NCOA1: variants seen among roughly 807,000 people sequenced by gnomAD.
NCOA1 encodes the protein nuclear receptor coactivator 1.
Under a neutral mutation model 150.9 loss-of-function variants are expected in NCOA1, and 35 were observed. That is an observed-to-expected ratio of 0.23 (90% CI 0.18 to 0.31). The LOEUF is 0.31. NCOA1 is among the 10% of genes least tolerant of loss of function. NCOA1 has a pLI of 1.00. For synonymous variants in NCOA1, 590 were observed against 630.0 expected, an observed-to-expected ratio of 0.94 and a Z score of 0.95; for missense variants, 1,491 against 1,749.3, an observed-to-expected ratio of 0.85 and a Z score of 2.63.
chr2:24,593,374 T>C (rs1262853770), intron 3 of NCOA1, among the ~76,000 whole-genome samples: 2 of 152,120 alleles, frequency 1.3e-5, no homozygotes. Context: ...GATATTAGTA[T>C]AGCTGTGGCA....
At chr2:24,743,800 T>G (rs1361122485) in intron 19 of NCOA1, among the ~76,000 whole-genome samples, 2 of 152,116 alleles carry the variant, frequency 1.3e-5, no homozygotes, top group African/African-American at 4.8e-5. Context: ...GAGCCCTAAA[T>G]CAAAAGATTT....
chr2:24,523,706 T>C (rs1664530210), intron 1 of NCOA1, among the ~76,000 whole-genome samples: 1 of 144,662 alleles, frequency 6.9e-6, no homozygotes, highest in South Asian at 2.2e-4. Context: ...GGTGGGCGGA[T>C]CATGAGGTCA....
chr2:24,693,456 C>A, intron 10 of NCOA1, 109 bp downstream of exon 10: 1 of 915,106 alleles, frequency 1.1e-6, no homozygotes, highest in Non-Finnish European at 1.8e-6. Context: ...TTAGGCTTTG[C>A]TCCCTAGTCT....
intron 2 of NCOA1, among the ~76,000 whole-genome samples, chr2:24,567,889 G>A (rs1666579428): frequency 6.6e-6 from 1 of 151,976 alleles, no homozygotes; most frequent in Admixed American, 6.6e-5. Flanking sequence ...GATTACAGGT[G>A]TGCACAACCA....
chr2:24,680,928 A>G (rs1672133023), intron 7 of NCOA1, among the ~76,000 whole-genome samples: 2 of 152,192 alleles, frequency 1.3e-5, no homozygotes, highest in African/African-American at 2.4e-5. Context: ...ATATCATTGG[A>G]TGTGTTTACT....
At chr2:24,708,033 TG>T in intron 13 of NCOA1, 145 bp downstream of exon 13, 1 of 1,038,994 alleles carries the variant, frequency 9.6e-7, no homozygotes, top group East Asian at 2.8e-5. Flanking sequence ...TATCAATAAC[TG>T]ATCACAGGAT....
At chr2:24,576,163 GTTTTTTGTTTT>G (rs1666963634) in intron 2 of NCOA1, among the ~76,000 whole-genome samples, 2,005 of 92,856 alleles carry the variant, frequency 0.022, 103 homozygotes, top group African/African-American at 0.087. Flanking sequence ...TTTTTTTTTT[GTTTTTTGTTTT>G]TTTTTTTTTT....
intron 3 of NCOA1, among the ~76,000 whole-genome samples, chr2:24,622,621 T>C (rs1397423374): frequency 1.3e-5 from 2 of 152,218 alleles, no homozygotes; most frequent in Admixed American, 1.3e-4. Context: ...CCTAGACCCT[T>C]ACCAGTGCTG....
intron 1 of NCOA1, among the ~76,000 whole-genome samples, chr2:24,530,499 A>G (rs1430997410): frequency 1.3e-5 from 2 of 152,120 alleles, no homozygotes; most frequent in Non-Finnish European, 2.9e-5. Context: ...TAACTTTTGT[A>G]TTCTTTTTTC....
intron 1 of NCOA1, among the ~76,000 whole-genome samples, chr2:24,548,885 G>C (rs919918311): frequency 3.9e-5 from 6 of 152,164 alleles, no homozygotes; most frequent in Non-Finnish European, 8.8e-5. Context: ...TCATGGGCTG[G>C]CGTTGAGTGC....
chr2:24,717,582 A>G (rs1431848732), intron 14 of NCOA1, among the ~76,000 whole-genome samples: 2 of 152,220 alleles, frequency 1.3e-5, no homozygotes, highest in African/African-American at 2.4e-5. Flanking sequence ...TATCATGTAT[A>G]AATAAATGTA....
intron 1 of NCOA1, among the ~76,000 whole-genome samples, chr2:24,497,381 T>C (rs1275334255): frequency 6.6e-6 from 1 of 152,106 alleles, no homozygotes; most frequent in Non-Finnish European, 1.5e-5. Context: ...AAAATGTCAC[T>C]TTAAGATTCT....
chr2:24,768,516 CAAAAAAAAA>C lies in NCOA1; in HGVS notation c.*142_*150del, dbSNP rs772970404. On this transcript the variant is annotated 3_prime_UTR_variant, in exon 23 of 23. Coordinates refer to ENST00000348332, the MANE Select transcript of NCOA1 (RefSeq NM_003743.5). ...ATTCTTCAGGTCGTAGCATTTGGAG[CAAAAAAAAA>C]AAAAAAAAAAAAAAAAGGAGTTTGC... is the stretch of plus-strand genomic sequence containing the variant. 59 of 55,198 alleles carry C rather than the reference CAAAAAAAAA, an allele frequency of 1.1e-3. No individual in the cohort carries two copies. The highest frequency in any genetic ancestry group is 6.8e-3 in the Middle Eastern group (1 of 146). The allele number at this position is 55,198 out of a possible 1,614,324, so 3.4% of individuals were successfully genotyped here.
chr2:24,721,953 T>C (rs1306762557), intron 14 of NCOA1, among the ~76,000 whole-genome samples: 1 of 152,262 alleles, frequency 6.6e-6, no homozygotes, highest in Non-Finnish European at 1.5e-5. Context: ...TTCCTTCGGC[T>C]GTAGATTTGT....
intron 3 of NCOA1, among the ~76,000 whole-genome samples, chr2:24,621,463 T>TTTTTTC (rs1669158146): frequency 8.7e-6 from 1 of 115,288 alleles, no homozygotes; most frequent in Non-Finnish European, 1.9e-5. Context: ...TTTTTTTTTT[T>TTTTTTC]TTGAGACAGA....
At chr2:24,712,839 G>A (rs1280847416) in intron 14 of NCOA1, among the ~76,000 whole-genome samples, 1 of 150,736 alleles carries the variant, frequency 6.6e-6, no homozygotes, top group East Asian at 2.0e-4. Flanking sequence ...CTTCCAGAAA[G>A]AACAAAAAGA....
intron 17 of NCOA1, among the ~76,000 whole-genome samples, chr2:24,738,693 ATC>A (rs1280169889): frequency 1.3e-5 from 2 of 152,202 alleles, no homozygotes; most frequent in African/African-American, 4.8e-5. Context: ...CAGTAAATAA[ATC>A]TGTTTTACCT....
chr2:24,655,223 T>G (rs1670879624), intron 4 of NCOA1, among the ~76,000 whole-genome samples: 1 of 152,176 alleles, frequency 6.6e-6, no homozygotes, highest in Non-Finnish European at 1.5e-5. Flanking sequence ...AATTTAAAGT[T>G]TTTTGGCTAG....
At chr2:24,673,537 G>A in intron 7 of NCOA1, 74 bp downstream of exon 7, 1 of 856,262 alleles carries the variant, frequency 1.2e-6, no homozygotes, top group Non-Finnish European at 1.8e-6. Context: ...TTTTTTAAAT[G>A]CCTTATATCC....
Sources: gnomAD v4.1 joint callset for allele counts (sites outside exome capture counted in the v4.1 genomes callset) on GRCh38, gnomAD v4.1.1 for gene constraint, MANE v1.5 for transcripts, NCBI Gene and HGNC (gene_info 2026-07-23, HGNC 2026-07-21) for gene names.